ISLR2: variants seen among roughly 807,000 people sequenced by gnomAD.
The protein encoded by ISLR2 is immunoglobulin superfamily containing leucine rich repeat 2, also known as immunoglobulin superfamily containing leucine-rich repeat protein 2.
A neutral mutation model predicts 25.5 loss-of-function variants in ISLR2; 16 were observed. That is an observed-to-expected ratio of 0.63 (90% CI 0.43 to 0.95). The LOEUF is 0.95. Ranked by LOEUF, ISLR2 falls within the 40% of genes least tolerant of loss-of-function variation. The pLI is 0.00. For missense variants in ISLR2, 883 were observed against 1,030.7 expected (o/e 0.86, Z 1.96); for synonymous variants, 508 against 486.6 (o/e 1.04, Z -0.58).
chr15:74,129,150 C>G (rs2072350632), upstream of ISLR2: 1 of 432,000 alleles, frequency 2.3e-6, no homozygotes, highest in Non-Finnish European at 4.6e-6. This position sits in a 1 kb window ranked among gnomAD's most constrained non-coding sequence, Gnocchi z 4.5. Context: ...GTGTTCTGAA[C>G]TGGGGCTGAG....
intron 2 of ISLR2, among the ~76,000 whole-genome samples, chr15:74,118,839 A>G (rs183134446): frequency 9.9e-4 from 151 of 152,000 alleles, no homozygotes; most frequent in African/African-American, 3.3e-3. Context: ...TTGTATTTTT[A>G]GTAGAGACGG....
intron 2 of ISLR2, among the ~76,000 whole-genome samples, chr15:74,113,218 C>A (rs1431495203): frequency 6.6e-6 from 1 of 152,258 alleles, no homozygotes; most frequent in Non-Finnish European, 1.5e-5. Context: ...CTGTCCACCA[C>A]TCACTTCCTG....
chr15:74,129,497 G>A (rs2072357537), upstream of ISLR2: 1 of 158,606 alleles, frequency 6.3e-6, no homozygotes, highest in Admixed American at 6.2e-5. The surrounding 1 kb of genome is among the most constrained non-coding windows in gnomAD (Gnocchi z 4.5). Flanking sequence ...CAGAATGGGT[G>A]GGGATTCTGC....
rs752890049 is a variant in ISLR2 at position 74,134,469 on chromosome 15, G to A, written c.1715G>A (p.Gly572Asp). 1 of 1,611,416 alleles carries A rather than the reference G, an allele frequency of 6.2e-7. No homozygotes were observed. The highest frequency in any genetic ancestry group is 1.7e-5 in the Admixed American group (1 of 59,834). The part of the protein sequence containing the change: ...TNYSVCLALA[G>D]EACHVQVVFS... The stretch of plus-strand genomic sequence containing the variant: ...TACTCCGTGTGCCTGGCGCTGGCGG[G>A]CGAAGCCTGCCACGTGCAAGTGGTG... The change falls in exon 3 of 3, where the codon GGC becomes GAC. Residue 572 changes from glycine (G) to aspartate (D), a missense_variant. By Grantham distance (94) the Gly-to-Asp change is moderately conservative. Transcript: ENST00000453268.
upstream of ISLR2, chr15:74,129,569 G>A (rs1256636816): frequency 1.3e-5 from 2 of 153,112 alleles, no homozygotes; most frequent in East Asian, 1.9e-4. The surrounding 1 kb of genome is among the most constrained non-coding windows in gnomAD (Gnocchi z 4.5). Flanking sequence ...CAGGGCTAAC[G>A]TGGGCAGCGC....
chr15:74,106,788 G>C (rs2072123993), intron 2 of ISLR2, among the ~76,000 whole-genome samples: 1 of 152,134 alleles, frequency 6.6e-6, no homozygotes, highest in South Asian at 2.1e-4. Context: ...GCATCTACTA[G>C]GCTGGGAAAC....
upstream of ISLR2, chr15:74,128,419 G>T (rs1248636182): frequency 4.4e-6 from 2 of 455,376 alleles, no homozygotes; most frequent in South Asian, 1.6e-5. Context: ...GGTGGTCACC[G>T]CGTCCTTAAC....
At chr15:74,122,488 T>G (rs1415386394) in intron 2 of ISLR2, among the ~76,000 whole-genome samples, 2 of 152,222 alleles carry the variant, frequency 1.3e-5, no homozygotes, top group Admixed American at 6.5e-5. Flanking sequence ...CAGGATTCAT[T>G]TTCATTCTGG....
At chr15:74,109,029 C>A (rs2415198) in intron 2 of ISLR2, among the ~76,000 whole-genome samples, 20 of 152,250 alleles carry the variant, frequency 1.3e-4, no homozygotes, top group African/African-American at 4.1e-4. Flanking sequence ...CATTTAATAC[C>A]TTTTGATTAT....
intron 2 of ISLR2, among the ~76,000 whole-genome samples, chr15:74,109,940 G>C (rs1245432567): frequency 6.6e-6 from 1 of 152,100 alleles, no homozygotes; most frequent in African/African-American, 2.4e-5. Context: ...AACCATAGAC[G>C]CATGCCACCA....
In ISLR2 at chr15:74,133,886, C is replaced by G. The variant is rs2072493049; in HGVS notation, c.1132C>G (p.Pro378Ala). 2.5e-6 allele frequency: 4 copies of G among 1,608,928 alleles called. No individual in the cohort carries two copies. In the Middle Eastern group the frequency reaches 5.0e-4, roughly 199 times the overall value. The part of the protein sequence containing the change: ...IRVAVAATGP[P>A]KHAPGAGGEP... ...CGTGGCGGTGGCAGCAACCGGGCCC[C>G]CAAAACACGCGCCTGGCGCCGGGGG... is the stretch of plus-strand genomic sequence containing the variant. The change falls in exon 3 of 3, where the codon CCA becomes GCA. Residue 378 changes from proline to alanine, a missense_variant. Transcript: ENST00000453268.
In ISLR2 at chr15:74,136,437, G is replaced by A; in HGVS notation, c.*1445G>A. The stretch of plus-strand genomic sequence containing the variant: ...CGCGTCTCGGTCCTCGCGTCGCCCC[G>A]CCCCACCCGCCCCTGCTTCGGCGGG... On this transcript the variant is annotated 3_prime_UTR_variant, in exon 3 of 3. Transcript: ENST00000453268. The A allele has an allele frequency of 1.2e-5, 2 of 165,430 alleles. No homozygotes were observed. The allele number at this position is 165,430 out of a possible 1,614,324, so 10.2% of individuals were successfully genotyped here.
chr15:74,126,896 T>TTGTGTGTGTGTGTGTG (rs56301942), upstream of ISLR2: 1 of 122,312 alleles, frequency 8.2e-6, no homozygotes, highest in African/African-American at 3.2e-5. Context: ...GAGAGAACAT[T>TTGTGTGTGTGTGTGTG]TGTGTGTGTG....
At chr15:74,116,318 C>A in intron 2 of ISLR2, among the ~76,000 whole-genome samples, 1 of 151,314 alleles carries the variant, frequency 6.6e-6, no homozygotes, top group Admixed American at 6.6e-5. Context: ...CATGCCAGCA[C>A]TTTGGGAGGC....
At position 74,136,243 on chromosome 15, in the gene ISLR2, G is replaced by T. The variant is rs562478804; in HGVS notation, c.*1251G>T. On this transcript the variant is annotated 3_prime_UTR_variant, in exon 3 of 3. Coordinates refer to ENST00000453268, the MANE Select transcript of ISLR2 (RefSeq NM_020851.3). ...TGCGCCCAACAGCGCCGCTCCCGCG[G>T]CTCCACCCGACCCAGACCCTAGCTG... 6.0e-6 allele frequency: 1 copy of T among 166,436 alleles called. No individual in the cohort carries two copies. 10.3% of individuals were successfully genotyped at this position (166,436 alleles called of 1,614,324 possible). A position where few individuals can be genotyped will look rare whatever the true frequency, so the allele number is the denominator to read the frequency against.
upstream of ISLR2, chr15:74,128,142 CGCGCCGGACG>C (rs1048701167): frequency 2.3e-5 from 7 of 299,496 alleles, no homozygotes; most frequent in Non-Finnish European, 4.5e-5. Context: ...CCCGCTTCTG[CGCGCCGGACG>C]GCGCCGGACG....
At chr15:74,128,936 C>A (rs748939843), upstream of ISLR2, 132 of 449,098 alleles carry the variant, frequency 2.9e-4, no homozygotes, top group Admixed American at 4.6e-4. Context: ...CTCCCGACCC[C>A]ACAAGGCCTA....
intron 2 of ISLR2, among the ~76,000 whole-genome samples, chr15:74,108,817 A>G (rs535762581): frequency 6.6e-6 from 1 of 152,222 alleles, no homozygotes; most frequent in South Asian, 2.1e-4. Flanking sequence ...GCTGGATGCA[A>G]TGTAGGGCCT....
downstream of ISLR2, among the ~76,000 whole-genome samples, chr15:74,140,706 C>T (rs1039528970): frequency 9.2e-5 from 14 of 152,174 alleles, no homozygotes; most frequent in African/African-American, 3.4e-4. Context: ...ACATTTCCAA[C>T]ATAAAGGTAT....
Sources: gnomAD v4.1 joint callset for allele counts (sites outside exome capture counted in the v4.1 genomes callset) on GRCh38, gnomAD v4.1.1 for gene constraint, Gnocchi (gnomAD v3.1) non-coding constraint, MANE v1.5 for transcripts, NCBI Gene and HGNC (gene_info 2026-07-23, HGNC 2026-07-21) for gene names.